FBN2: variants seen among roughly 807,000 people sequenced by gnomAD.
FBN2 encodes the protein fibrillin-2.
In FBN2, 105 loss-of-function variants were observed where a neutral mutation model predicts 355.6. The observed-to-expected ratio is 0.30, with a 90% CI of 0.25 to 0.35. FBN2 has a LOEUF of 0.35. Ranked by LOEUF, FBN2 falls within the 10% of genes least tolerant of loss-of-function variation. FBN2 has a pLI of 1.00. For synonymous variants in FBN2, 1,350 were observed against 1,301.2 expected (o/e 1.04, Z -0.81); for missense variants, 3,280 against 3,758.7 (o/e 0.87, Z 3.33).
rs568745636 is a variant in FBN2, at chr5:128,535,716, T to TA, written c.337+685dup. Among the ~76,000 whole-genome samples the TA allele has an allele frequency of 3.8e-4, 57 of 151,596 alleles. No homozygotes were observed. The East Asian group carries it at 0.01, about 27-fold the overall frequency. ...TAATCAAAACTTTTAAGGTCAGAGA[T>TA]ACAGAATTTTTCAAGGTCTAAGATT... is the stretch of plus-strand genomic sequence containing the variant. On this transcript the variant is annotated intron_variant, in intron 2 of 64. Transcript: ENST00000262464.
chr5:128,330,761 G>T, intron 32 of FBN2, 66 bp from the exon 33 acceptor site: 1 of 1,561,600 alleles, frequency 6.4e-7, no homozygotes, highest in Non-Finnish European at 8.8e-7. Context: ...AAAGATTATC[G>T]TTTGTCTTAA....
intron 20 of FBN2, among the ~76,000 whole-genome samples, chr5:128,356,153 C>T (rs553285119): frequency 1.4e-4 from 21 of 152,162 alleles, no homozygotes; most frequent in African/African-American, 4.1e-4. Flanking sequence ...CAACCCAGCC[C>T]GGAATTCTAT....
intron 43 of FBN2, 89 bp downstream of exon 43, chr5:128,305,734 A>G: frequency 6.3e-7 from 1 of 1,598,052 alleles, no homozygotes; most frequent in East Asian, 2.2e-5. Context: ...GAAAAATTGT[A>G]GAAGAAATAG....
intron 48 of FBN2, among the ~76,000 whole-genome samples, chr5:128,297,551 T>C (rs950143959): frequency 1.3e-5 from 2 of 152,230 alleles, no homozygotes; most frequent in African/African-American, 4.8e-5. Flanking sequence ...TTTAGGACAG[T>C]TCACTCTTCT....
intron 5 of FBN2, among the ~76,000 whole-genome samples, chr5:128,485,184 C>A (rs1308445445): frequency 2.0e-5 from 3 of 151,892 alleles, no homozygotes; most frequent in African/African-American, 4.8e-5. Context: ...ACACCATGCA[C>A]AGCTAATTTT....
chr5:128,501,265 A>G (rs1755801351), intron 5 of FBN2, among the ~76,000 whole-genome samples: 1 of 152,206 alleles, frequency 6.6e-6, no homozygotes, highest in Non-Finnish European at 1.5e-5. Flanking sequence ...ATAACCTGAG[A>G]AAGTACAGAG....
chr5:128,282,348 T>A (rs545320231), intron 55 of FBN2, among the ~76,000 whole-genome samples: 1 of 152,302 alleles, frequency 6.6e-6, no homozygotes, highest in African/African-American at 2.4e-5. Context: ...TTTTTTAGTT[T>A]ATTATTTCTA....
chr5:128,423,140 TC>T (rs1753396193), intron 7 of FBN2, among the ~76,000 whole-genome samples: 1 of 151,974 alleles, frequency 6.6e-6, no homozygotes, highest in South Asian at 2.1e-4. Flanking sequence ...AGGAAAGACT[TC>T]CCTGGGAAAG....
At chr5:128,319,380 C>T (rs967423667) in intron 34 of FBN2, among the ~76,000 whole-genome samples, 20 of 151,508 alleles carry the variant, frequency 1.3e-4, no homozygotes, top group Admixed American at 7.9e-4. Flanking sequence ...TTAGTGCAAA[C>T]AGCAGACATT....
chr5:128,347,240 G>T (rs1018950501), intron 23 of FBN2, among the ~76,000 whole-genome samples: 1 of 152,120 alleles, frequency 6.6e-6, no homozygotes, highest in Non-Finnish European at 1.5e-5. Context: ...AGAGGGGAAA[G>T]GCATCTGAAC....
intron 55 of FBN2, among the ~76,000 whole-genome samples, chr5:128,282,861 T>C (rs1277732570): frequency 6.6e-6 from 1 of 152,188 alleles, no homozygotes; most frequent in Non-Finnish European, 1.5e-5. Context: ...TCCAATCCAG[T>C]GCAGCATGAC....
chr5:128,335,971 G>T lies in FBN2; in HGVS notation c.3724+17C>A. 1 of 1,613,524 alleles carries T rather than the reference G, an allele frequency of 6.2e-7. No individual in the cohort carries two copies. Among genetic ancestry groups the T allele is most frequent in the Non-Finnish European group, 8.5e-7 (1 of 1,179,770 alleles). The stretch of plus-strand genomic sequence containing the variant: ...TTTGAGACATATGAGTTTCAGGCCT[G>T]CTTGGTCTCCCCTTACCTGTACAGC... On this transcript the variant is annotated intron_variant, in intron 28 of 64. Transcript: ENST00000262464.
rs77487366 is a variant in FBN2, at chr5:128,412,611, C to T, written c.953-3812G>A. Among the ~76,000 whole-genome samples the T allele has an allele frequency of 1.5e-3, 232 of 152,302 alleles. 1 individual carries two copies. Among genetic ancestry groups the T allele is most frequent in the African/African-American group, 5.2e-3 (216 of 41,556 alleles). On this transcript the variant is annotated intron_variant, in intron 7 of 64. Coordinates refer to ENST00000262464, the MANE Select transcript of FBN2 (RefSeq NM_001999.4). ...CAACAACAAAAAACAGCATGGGCAA[C>T]TGGGTCTGAAAATACACCACAGTTG...
rs373306092 is a variant in FBN2 at position 128,425,651 on chromosome 5, T to C, written c.953-16852A>G. ...TGAGGATGCATCTAAAAATCATTTA[T>C]TTTGTATCTTCTAAATAAATGGCAC... On this transcript the variant is annotated intron_variant, in intron 7 of 64. Transcript: ENST00000262464. Among the ~76,000 whole-genome samples, 5 of 152,316 alleles carry C rather than the reference T, an allele frequency of 3.3e-5. No homozygotes were observed. In the East Asian group the frequency reaches 7.7e-4, roughly 23 times the overall value.
chr5:128,316,972 G>A (rs181220199), intron 36 of FBN2, among the ~76,000 whole-genome samples: 2 of 152,246 alleles, frequency 1.3e-5, no homozygotes, highest in South Asian at 2.1e-4. Flanking sequence ...CGAACTGGGC[G>A]ACTGCTCCTC....
At chr5:128,316,653 C>T (rs1211886984) in intron 36 of FBN2, among the ~76,000 whole-genome samples, 1 of 152,152 alleles carries the variant, frequency 6.6e-6, no homozygotes. Context: ...GCTCATGTCC[C>T]CACCAATACT....
rs528932966 is a variant in FBN2 at position 128,522,898 on chromosome 5, G to T, written c.533-3530C>A. On this transcript the variant is annotated intron_variant, in intron 4 of 64. Transcript: ENST00000262464. Reference sequence around the variant, plus strand: ...ACCTAGCATGACAGTGGCATGAAAGGCAAGAGAGCAAAAGATGTACTACAG... The same window carrying T: ...ACCTAGCATGACAGTGGCATGAAAGTCAAGAGAGCAAAAGATGTACTACAG... Among the ~76,000 whole-genome samples, 40 of 152,252 alleles carry T rather than the reference G, an allele frequency of 2.6e-4. 1 individual carries two copies. In the South Asian group the frequency reaches 7.5e-3, roughly 28 times the overall value.
intron 50 of FBN2, 23 bp downstream of exon 50, chr5:128,290,709 T>A: frequency 6.2e-7 from 1 of 1,613,132 alleles, no homozygotes; most frequent in Non-Finnish European, 8.5e-7. Context: ...CAAAGTGCTG[T>A]CTGATGATGT....
At chr5:128,369,716 T>A (rs1751881754) in intron 15 of FBN2, among the ~76,000 whole-genome samples, 1 of 152,216 alleles carries the variant, frequency 6.6e-6, no homozygotes, top group East Asian at 1.9e-4. Flanking sequence ...TTGGAAGTTC[T>A]CATGAACAAT....
Sources: gnomAD v4.1 joint callset for allele counts (sites outside exome capture counted in the v4.1 genomes callset) on GRCh38, gnomAD v4.1.1 for gene constraint, MANE v1.5 for transcripts, NCBI Gene and HGNC (gene_info 2026-07-23, HGNC 2026-07-21) for gene names.